Variants in MALRD1 observed in about 807,000 individuals in gnomAD.
MALRD1 encodes MAM and LDL-receptor class A domain-containing protein 1.
MALRD1 carries 247 observed loss-of-function variants against 242.1 expected under a neutral mutation model. That is an observed-to-expected ratio of 1.02 (90% CI 0.92 to 1.13). MALRD1 has a LOEUF of 1.13. MALRD1 is among the 50% of genes most tolerant of loss of function. The probability of loss-of-function intolerance (pLI) is 0.00; values close to 1 mark genes in which losing one functional copy is unlikely to be tolerated. For missense variants in MALRD1, 2,989 were observed against 2,533.1 expected (o/e 1.18, Z -3.86); for synonymous variants, 995 against 866.6 (o/e 1.15, Z -2.60).
chr10:19,566,273 G>A (rs895679928), intron 32 of MALRD1, among the ~76,000 whole-genome samples: 27 of 150,702 alleles, frequency 1.8e-4, no homozygotes, highest in Non-Finnish European at 3.7e-4. Context: ...CTGGGACTAC[G>A]GGCACCTGCC....
chr10:19,665,057 T>C (rs1841615349), intron 36 of MALRD1, among the ~76,000 whole-genome samples: 1 of 152,120 alleles, frequency 6.6e-6, no homozygotes, highest in South Asian at 2.1e-4. Flanking sequence ...CTTAGGTTCA[T>C]TAACTAGGGC....
intron 31 of MALRD1, among the ~76,000 whole-genome samples, chr10:19,504,663 C>CTTTTTTTTTT (rs1564397363): frequency 7.8e-6 from 1 of 128,698 alleles, no homozygotes; most frequent in African/African-American, 3.2e-5. Context: ...TATTGTAACA[C>CTTTTTTTTTT]ATTTTTTTTT....
At chr10:19,121,987 A>G (rs895384034) in intron 5 of MALRD1, among the ~76,000 whole-genome samples, 3 of 152,246 alleles carry the variant, frequency 2.0e-5, no homozygotes, top group Non-Finnish European at 4.4e-5. Flanking sequence ...AAGTCATTTC[A>G]GTCTGCATGA....
intron 2 of MALRD1, among the ~76,000 whole-genome samples, chr10:19,073,793 T>G (rs1470610863): frequency 6.6e-6 from 1 of 152,142 alleles, no homozygotes; most frequent in African/African-American, 2.4e-5. Flanking sequence ...GTTTGTGATC[T>G]CTTTGAGACA....
At chr10:19,344,362 T>C (rs1014597399) in intron 24 of MALRD1, among the ~76,000 whole-genome samples, 1 of 152,098 alleles carries the variant, frequency 6.6e-6, no homozygotes, top group Non-Finnish European at 1.5e-5. Flanking sequence ...AGTTTCTTTA[T>C]TTTTATGTTT....
At chr10:19,078,284 G>T (rs1286367209) in intron 2 of MALRD1, among the ~76,000 whole-genome samples, 1 of 151,724 alleles carries the variant, frequency 6.6e-6, no homozygotes, top group Non-Finnish European at 1.5e-5. Context: ...TTAAGACTTT[G>T]TCATATCTTT....
chr10:19,625,243 G>A (rs1362478752), intron 36 of MALRD1, among the ~76,000 whole-genome samples: 1 of 152,082 alleles, frequency 6.6e-6, no homozygotes, highest in African/African-American at 2.4e-5. Flanking sequence ...AGAGTTCCAT[G>A]ATACTATGAG....
intron 32 of MALRD1, among the ~76,000 whole-genome samples, chr10:19,550,717 TACC>T (rs763022173): frequency 2.6e-5 from 4 of 152,196 alleles, no homozygotes; most frequent in Non-Finnish European, 5.9e-5. Flanking sequence ...GGTGTGTATG[TACC>T]ACATTTTCCT....
chr10:19,588,480 A>G (rs1439883179), intron 33 of MALRD1, among the ~76,000 whole-genome samples: 2 of 152,196 alleles, frequency 1.3e-5, no homozygotes, highest in East Asian at 1.9e-4. Flanking sequence ...TTTGAGGAAA[A>G]CCTGAGTAAA....
chr10:19,530,393 T>TATAATA (rs1834322318), intron 31 of MALRD1, among the ~76,000 whole-genome samples: 1 of 50,460 alleles, frequency 2.0e-5, no homozygotes, highest in African/African-American at 7.7e-5. Flanking sequence ...TATATATTTA[T>TATAATA]ATAAATATTA....
In MALRD1 at chr10:19,692,791, G is replaced by C. The variant is rs1045156188; in HGVS notation, c.6314+237G>C. Among the ~76,000 whole-genome samples, 2 of 25,320 alleles carry C rather than the reference G, an allele frequency of 7.9e-5. 1 individual carries two copies. Among genetic ancestry groups the C allele is most frequent in the South Asian group, 2.6e-3 (2 of 776 alleles). 16.6% of individuals were successfully genotyped at this position (25,320 alleles called of 152,430 possible). A position where few individuals can be genotyped will look rare whatever the true frequency, so the allele number is the denominator to read the frequency against. ...TTCAGATTATATTAGGAGCCTTTTTGAGGGCGTATATATATATATATGAAA... is the reference window on the plus strand; with the variant it reads ...TTCAGATTATATTAGGAGCCTTTTTCAGGGCGTATATATATATATATGAAA... On this transcript the variant is annotated intron_variant, in intron 38 of 39. Coordinates refer to ENST00000454679, the MANE Select transcript of MALRD1 (RefSeq NM_001142308.3).
At chr10:19,653,424 C>G (rs1172729388) in intron 36 of MALRD1, among the ~76,000 whole-genome samples, 1 of 152,098 alleles carries the variant, frequency 6.6e-6, no homozygotes, top group African/African-American at 2.4e-5. Flanking sequence ...GTCTCAAACT[C>G]CTGGTCTTAA....
intron 26 of MALRD1, among the ~76,000 whole-genome samples, chr10:19,368,689 A>T (rs890991277): frequency 6.6e-6 from 1 of 151,898 alleles, no homozygotes; most frequent in Non-Finnish European, 1.5e-5. Context: ...TATTGAATCT[A>T]TAGATTTCTT....
chr10:19,347,995 A>T lies in MALRD1; in HGVS notation c.4126A>T (p.Ser1376Cys), dbSNP rs61102006. The change falls in exon 25 of 40, where the codon AGT becomes TGT. Residue 1376 changes from serine to cysteine, a missense_variant. Coordinates refer to ENST00000454679, the MANE Select transcript of MALRD1 (RefSeq NM_001142308.3). ...RAARISSPVI[S>C]KRSKNCKIIF... ...TGCCAGAATTTCAAGTCCAGTTATA[A>T]GTAAGAGAAGCAAAAACTGCAAGGT... is the stretch of plus-strand genomic sequence containing the variant. 2,836 of 1,550,406 alleles carry T rather than the reference A, an allele frequency of 1.8e-3. 37 individuals are homozygous for T. The African/African-American group carries it at 0.033, about 18-fold the overall frequency.
At chr10:19,158,312 T>A (rs1471187410) in intron 12 of MALRD1, among the ~76,000 whole-genome samples, 1 of 152,258 alleles carries the variant, frequency 6.6e-6, no homozygotes. Context: ...TGTTCATCTA[T>A]TGATCTTTCT....
chr10:19,156,302 T>A (rs1230927183), intron 12 of MALRD1, among the ~76,000 whole-genome samples: 3 of 151,444 alleles, frequency 2.0e-5, no homozygotes, highest in Non-Finnish European at 4.4e-5. Context: ...TCCTTTCTTT[T>A]GTTTTTTTTT....
At chr10:19,479,599 G>A (rs1323446450) in intron 29 of MALRD1, among the ~76,000 whole-genome samples, 2 of 152,122 alleles carry the variant, frequency 1.3e-5, no homozygotes, top group Non-Finnish European at 2.9e-5. Flanking sequence ...AATTGAATGA[G>A]GCACGTATAA....
In MALRD1 at chr10:19,560,560, C is replaced by T. The variant is rs1835918329; in HGVS notation, c.5479-6942C>T. On this transcript the variant is annotated intron_variant, in intron 32 of 39. Coordinates refer to ENST00000454679, the MANE Select transcript of MALRD1 (RefSeq NM_001142308.3). ...CCCAATAGCAAAGACTTGGAACCAACCCAAATGCCCATCAATGATAGACTA... is the reference window on the plus strand; with the variant it reads ...CCCAATAGCAAAGACTTGGAACCAATCCAAATGCCCATCAATGATAGACTA... Among the ~76,000 whole-genome samples the T allele has an allele frequency of 2.0e-5, 3 of 152,282 alleles. No individual in the cohort carries two copies. The South Asian group carries it at 6.2e-4, about 32-fold the overall frequency.
chr10:19,513,512 G>A (rs1281592327), intron 31 of MALRD1, among the ~76,000 whole-genome samples: 1 of 151,722 alleles, frequency 6.6e-6, no homozygotes, highest in Non-Finnish European at 1.5e-5. Context: ...GGCCGAGGCG[G>A]GCGGATCACG....
Sources: gnomAD v4.1 joint callset for allele counts (sites outside exome capture counted in the v4.1 genomes callset) on GRCh38, gnomAD v4.1.1 for gene constraint, MANE v1.5 for transcripts, NCBI Gene and HGNC (gene_info 2026-07-23, HGNC 2026-07-21) for gene names.